ABCA13: variants seen among roughly 807,000 people sequenced by gnomAD.
ABCA13 encodes the protein ATP-binding cassette sub-family A member 13.
Under a neutral mutation model 478.7 loss-of-function variants are expected in ABCA13, and 476 were observed. The observed-to-expected ratio is 0.99, with a 90% CI of 0.92 to 1.07. The LOEUF is 1.07. Ranked by LOEUF, ABCA13 falls within the 50% of genes least tolerant of loss-of-function variation. ABCA13 has a pLI of 0.00. For synonymous variants in ABCA13, 2,252 were observed against 2,158.9 expected, an observed-to-expected ratio of 1.04 and a Z score of -1.20; for missense variants, 6,060 against 5,910.6, an observed-to-expected ratio of 1.03 and a Z score of -0.83.
At chr7:48,572,037 G>T (rs916674462) in intron 55 of ABCA13, among the ~76,000 whole-genome samples, 2 of 152,186 alleles carry the variant, frequency 1.3e-5, no homozygotes, top group South Asian at 2.1e-4. Flanking sequence ...AAAATTAGCT[G>T]GGCCTGGTGG....
chr7:48,602,458 C>T (rs533606269), intron 58 of ABCA13, among the ~76,000 whole-genome samples: 6 of 152,056 alleles, frequency 3.9e-5, no homozygotes, highest in Admixed American at 2.6e-4. Context: ...CCAGTTTTCC[C>T]GACACCATTT....
chr7:48,276,439 G>A lies in ABCA13; in HGVS notation c.6773G>A (p.Arg2258Lys). 6.3e-7 allele frequency: 1 copy of A among 1,580,610 alleles called. No individual in the cohort carries two copies. ...ETSRKTVLSL[R>K]SIVDFTEQFL... ...AGTAGGAAAACAGTTCTCTCTCTGAGAAGCATAGTAGATTTCACAGAACAG... is the reference window on the plus strand; with the variant it reads ...AGTAGGAAAACAGTTCTCTCTCTGAAAAGCATAGTAGATTTCACAGAACAG... Residue 2258 changes from arginine (R) to lysine (K), a missense_variant, in exon 17 of 62, where the codon AGA becomes AAA. Around this residue, in one of 3 missense-constraint regions of ABCA13, gnomAD observed 4,423 missense variants for 4,309.1 expected, o/e 1.03. Coordinates refer to ENST00000435803, the MANE Select transcript of ABCA13 (RefSeq NM_152701.5).
At chr7:48,613,512 C>CTCTTTTCCTTCTTTACAGCA (rs1431783353) in intron 58 of ABCA13, among the ~76,000 whole-genome samples, 3 of 151,706 alleles carry the variant, frequency 2.0e-5, no homozygotes, top group Non-Finnish European at 2.9e-5. Context: ...TGCTAGTTTG[C>CTCTTTTCCTTCTTTACAGCA]TGTGTTAAGA....
Position 48,483,174 on chromosome 7 carries a change from T to G in ABCA13, c.13182+11T>G. On this transcript the variant is annotated intron_variant, in intron 47 of 61. Transcript: ENST00000435803. ...CCAACTCTGGCAAAGGTAATCATATTTTTTTATTTTTTTCCTGTTTTAGAA... is the reference window on the plus strand; with the variant it reads ...CCAACTCTGGCAAAGGTAATCATATGTTTTTATTTTTTTCCTGTTTTAGAA... The G allele has an allele frequency of 3.8e-6, 6 of 1,598,664 alleles. No homozygotes were observed. In the South Asian group the frequency reaches 6.8e-5, roughly 18 times the overall value.
At chr7:48,618,306 C>T (rs1792795729) in intron 59 of ABCA13, among the ~76,000 whole-genome samples, 1 of 152,204 alleles carries the variant, frequency 6.6e-6, no homozygotes, top group Non-Finnish European at 1.5e-5. Context: ...TTGGTACATG[C>T]ACTTCACCAT....
At chr7:48,484,530 A>G (rs1829098969) in intron 47 of ABCA13, among the ~76,000 whole-genome samples, 2 of 152,200 alleles carry the variant, frequency 1.3e-5, no homozygotes, top group African/African-American at 4.8e-5. Flanking sequence ...AGTCTATCCC[A>G]ATCTAAACCC....
intron 28 of ABCA13, 28 bp from the exon 29 acceptor site, chr7:48,338,337 T>C (rs748970843): frequency 1.4e-6 from 2 of 1,469,220 alleles, no homozygotes; most frequent in Non-Finnish European, 1.8e-6. Context: ...TGCAATTATT[T>C]TTATTAAGCT....
intron 42 of ABCA13, among the ~76,000 whole-genome samples, chr7:48,450,794 A>C (rs1824908019): frequency 6.6e-6 from 1 of 152,080 alleles, no homozygotes; most frequent in African/African-American, 2.4e-5. Flanking sequence ...AAAAGACTGT[A>C]TAATTTCATC....
At chr7:48,229,674 G>T (rs971690773) in intron 6 of ABCA13, 151 bp from the exon 7 acceptor site, 17 of 865,928 alleles carry the variant, frequency 2.0e-5, no homozygotes, top group Non-Finnish European at 7.2e-6. Context: ...TCACATTAAA[G>T]CCACAAAGAA....
intron 48 of ABCA13, among the ~76,000 whole-genome samples, chr7:48,496,152 T>C (rs995724132): frequency 6.6e-6 from 1 of 152,126 alleles, no homozygotes; most frequent in Non-Finnish European, 1.5e-5. Flanking sequence ...TGTTTTATGT[T>C]TCCTCTGTTT....
chr7:48,185,857 A>AT (rs1431875844), intron 1 of ABCA13, among the ~76,000 whole-genome samples: 1 of 152,008 alleles, frequency 6.6e-6, no homozygotes, highest in Non-Finnish European at 1.5e-5. Flanking sequence ...TGTGCTATAT[A>AT]TTTTGAGGTT....
chr7:48,600,161 T>A (rs890671037), intron 58 of ABCA13, among the ~76,000 whole-genome samples: 1 of 152,254 alleles, frequency 6.6e-6, no homozygotes, highest in African/African-American at 2.4e-5. Flanking sequence ...TTCTTATCAT[T>A]ATGAAATGTC....
chr7:48,279,247 A>G lies in ABCA13; in HGVS notation c.8053A>G (p.Asn2685Asp). The stretch of plus-strand genomic sequence containing the variant: ...AATTCTGGGTTGCTTAGTTCCTATA[A>G]ATAACATCACCAACCAAATGGACTT... ...EEILGCLVPI[N>D]NITNQMDFLY... Residue 2685 changes from asparagine (N) to aspartate (D), a missense_variant, in exon 18 of 62, where the codon AAT (asparagine) becomes GAT (aspartate). Coordinates refer to ENST00000435803, the MANE Select transcript of ABCA13 (RefSeq NM_152701.5). 1 of 1,589,276 alleles carries G rather than the reference A, an allele frequency of 6.3e-7. No homozygotes were observed. The highest frequency in any genetic ancestry group is 8.6e-7 in the Non-Finnish European group (1 of 1,166,178).
chr7:48,531,830 AT>A (rs1833260467), intron 55 of ABCA13, among the ~76,000 whole-genome samples: 1 of 142,554 alleles, frequency 7.0e-6, no homozygotes, highest in East Asian at 2.1e-4. Flanking sequence ...AGAGCTACTG[AT>A]TTGTGTACAT....
chr7:48,350,832 T>C lies in ABCA13; in HGVS notation c.10381+13T>C. 6.2e-7 allele frequency: 1 copy of C among 1,606,580 alleles called. No individual in the cohort carries two copies. Among genetic ancestry groups the C allele is most frequent in the East Asian group, 2.2e-5 (1 of 44,662 alleles). On this transcript the variant is annotated intron_variant, in intron 30 of 61. Coordinates refer to ENST00000435803, the MANE Select transcript of ABCA13 (RefSeq NM_152701.5). ...AGCTTCTTGGCCAGTAAGTACTCAA[T>C]GAAAAAATATGTTCGCCAAGATGCC...
At chr7:48,173,309 A>G (rs1794402637) in intron 1 of ABCA13, among the ~76,000 whole-genome samples, 1 of 152,202 alleles carries the variant, frequency 6.6e-6, no homozygotes, top group Non-Finnish European at 1.5e-5. Context: ...TTAGTATGTT[A>G]CATGCATGAG....
At chr7:48,302,245 T>C (rs1800249734) in intron 23 of ABCA13, among the ~76,000 whole-genome samples, 1 of 152,252 alleles carries the variant, frequency 6.6e-6, no homozygotes, top group Non-Finnish European at 1.5e-5. Context: ...CTTGCACTTA[T>C]GTAAATATTT....
intron 29 of ABCA13, among the ~76,000 whole-genome samples, chr7:48,341,883 T>TATATATATCTTTCTGATAG (rs1563084712): frequency 2.8e-5 from 4 of 142,690 alleles, no homozygotes; most frequent in Non-Finnish European, 6.2e-5. Context: ...CTTTCTGATA[T>TATATATATCTTTCTGATAG]ATATATATAT....
chr7:48,340,270 C>A (rs957973122), intron 29 of ABCA13, among the ~76,000 whole-genome samples: 8 of 152,036 alleles, frequency 5.3e-5, no homozygotes, highest in African/African-American at 1.9e-4. Flanking sequence ...CCATGCCCGG[C>A]TAATTTTTGT....
Sources: allele counts gnomAD v4.1 joint callset (sites outside exome capture counted in the v4.1 genomes callset), GRCh38; gene constraint gnomAD v4.1.1; regional missense constraint gnomAD v4.1.1; transcripts MANE v1.5; gene names NCBI Gene and HGNC (gene_info 2026-07-23, HGNC 2026-07-21).